COL24A1: variants seen among roughly 807,000 people sequenced by gnomAD.
The protein encoded by COL24A1 is collagen alpha-1(XXIV) chain.
Under a neutral mutation model 253.9 loss-of-function variants are expected in COL24A1, and 224 were observed. That is an observed-to-expected ratio of 0.88 (90% CI 0.79 to 0.99). COL24A1 has a LOEUF of 0.99. COL24A1 is among the 50% of genes least tolerant of loss of function. The probability of loss-of-function intolerance (pLI) is 0.00; values close to 1 mark genes in which losing one functional copy is unlikely to be tolerated. For missense variants in COL24A1, 2,131 were observed against 2,068.5 expected, an observed-to-expected ratio of 1.03 and a Z score of -0.59; for synonymous variants, 685 against 673.7, an observed-to-expected ratio of 1.02 and a Z score of -0.26.
At chr1:86,153,294 A>G (rs1379179942) in intron 1 of COL24A1, among the ~76,000 whole-genome samples, 1 of 133,186 alleles carries the variant, frequency 7.5e-6, no homozygotes, top group Non-Finnish European at 1.5e-5. Flanking sequence ...TTCATTTGCT[A>G]TTTCCTTTAT....
At chr1:86,092,368 A>G in intron 5 of COL24A1, 48 bp from the exon 6 acceptor site, 10 of 1,340,980 alleles carry the variant, frequency 7.5e-6, no homozygotes, top group South Asian at 1.2e-5. Context: ...AGTTGCATAT[A>G]ATGTGTCATA....
intron 5 of COL24A1, among the ~76,000 whole-genome samples, chr1:86,098,899 C>CA (rs1210993133): frequency 6.6e-6 from 1 of 151,316 alleles, no homozygotes; most frequent in Non-Finnish European, 1.5e-5. Flanking sequence ...TCTAGACATA[C>CA]AAAAAAAATG....
At chr1:86,019,059 A>G (rs971399744) in intron 18 of COL24A1, among the ~76,000 whole-genome samples, 2 of 152,234 alleles carry the variant, frequency 1.3e-5, no homozygotes, top group African/African-American at 4.8e-5. Flanking sequence ...GATCTATAAA[A>G]TAGGGAAGAC....
intron 7 of COL24A1, among the ~76,000 whole-genome samples, chr1:86,069,220 C>G (rs79426265): frequency 0.058 from 8,857 of 152,118 alleles, 542 homozygotes; most frequent in African/African-American, 0.15. Context: ...TCTGGACCGT[C>G]CCTACTGTGC....
intron 32 of COL24A1, among the ~76,000 whole-genome samples, chr1:85,877,594 C>A (rs375516179): frequency 7.5e-4 from 114 of 152,308 alleles, no homozygotes; most frequent in African/African-American, 2.7e-3. Context: ...AACTCCTGAC[C>A]TCAGGTGATC....
intron 58 of COL24A1, chr1:85,736,451 G>A (rs2100832305): frequency 2.2e-6 from 1 of 456,214 alleles, no homozygotes; most frequent in East Asian, 6.9e-5. Flanking sequence ...TGATGATGTG[G>A]ATATTTTGGA....
In COL24A1 at chr1:85,877,021, T is replaced by C. The variant is rs1681253439; in HGVS notation, c.3030+101A>G. The C allele has an allele frequency of 1.4e-5, 11 of 790,674 alleles. No homozygotes were observed. The South Asian group carries it at 2.0e-4, about 14-fold the overall frequency. 49.0% of individuals were successfully genotyped at this position (790,674 alleles called of 1,614,324 possible). On this transcript the variant is annotated intron_variant, in intron 33 of 59. Coordinates refer to ENST00000370571, the MANE Select transcript of COL24A1 (RefSeq NM_152890.7). Reference sequence around the variant, plus strand: ...TTTTTCTGAATATGAAACAATACTATAGAATTATTCCTCATAGTATATATT... The same window carrying C: ...TTTTTCTGAATATGAAACAATACTACAGAATTATTCCTCATAGTATATATT...
chr1:86,142,504 CAG>C (rs560928083), intron 2 of COL24A1, among the ~76,000 whole-genome samples: 99 of 144,506 alleles, frequency 6.9e-4, no homozygotes, highest in African/African-American at 2.2e-3. Context: ...GCCTGGACGA[CAG>C]AGTGAGACAC....
chr1:85,949,417 G>A (rs548685190), intron 24 of COL24A1, among the ~76,000 whole-genome samples: 2 of 152,116 alleles, frequency 1.3e-5, no homozygotes, highest in Admixed American at 6.5e-5. Flanking sequence ...GAAGATACAA[G>A]GAATAGATAA....
Position 85,814,361 on chromosome 1 carries a change from T to A in COL24A1, c.3951+2427A>T, listed in dbSNP as rs370805108. ...AGGTTTAGAGTGGCATTGAACGGAA[T>A]CAACATTTTATTTGTGTTAACTCAG... On this transcript the variant is annotated intron_variant, in intron 47 of 59. Coordinates refer to ENST00000370571, the MANE Select transcript of COL24A1 (RefSeq NM_152890.7). 6.8e-4 allele frequency among the ~76,000 whole-genome samples: 103 copies of A among 152,366 alleles called. 1 individual carries two copies. In the South Asian group the frequency reaches 0.02, roughly 30 times the overall value.
intron 55 of COL24A1, among the ~76,000 whole-genome samples, chr1:85,746,096 A>G (rs1665178619): frequency 2.0e-5 from 3 of 152,134 alleles, no homozygotes; most frequent in Non-Finnish European, 4.4e-5. Context: ...AACCATTAGT[A>G]AAAGTCTTTT....
intron 12 of COL24A1, among the ~76,000 whole-genome samples, chr1:86,041,586 C>T (rs540441951): frequency 6.6e-6 from 1 of 152,060 alleles, no homozygotes; most frequent in Non-Finnish European, 1.5e-5. Context: ...AAAAAGGAAG[C>T]TACTTGGAGT....
intron 55 of COL24A1, among the ~76,000 whole-genome samples, chr1:85,760,964 G>A (rs1666788991): frequency 6.6e-6 from 1 of 152,072 alleles, no homozygotes; most frequent in South Asian, 2.1e-4. Flanking sequence ...GAAGTCTGAT[G>A]GCTTCCAGAG....
chr1:85,813,707 C>T (rs377652637), intron 47 of COL24A1, among the ~76,000 whole-genome samples: 241 of 150,958 alleles, frequency 1.6e-3, no homozygotes, highest in African/African-American at 5.3e-3. Flanking sequence ...CCCGCCACTA[C>T]GCCCGGCTAA....
chr1:85,842,685 T>G (rs1324058714), intron 39 of COL24A1, among the ~76,000 whole-genome samples: 2 of 152,142 alleles, frequency 1.3e-5, no homozygotes, highest in African/African-American at 4.8e-5. Flanking sequence ...CCTAACGAAT[T>G]ATTGGAAATG....
chr1:85,794,523 G>C (rs1670622898), intron 47 of COL24A1, among the ~76,000 whole-genome samples: 1 of 152,156 alleles, frequency 6.6e-6, no homozygotes, highest in African/African-American at 2.4e-5. Context: ...CATTTACTAT[G>C]CTTGTTGGTT....
intron 7 of COL24A1, among the ~76,000 whole-genome samples, chr1:86,078,141 T>C (rs1702387596): frequency 6.6e-6 from 1 of 152,096 alleles, no homozygotes; most frequent in Admixed American, 6.6e-5. Flanking sequence ...CAAGGATGAT[T>C]CAACACACAC....
At chr1:86,127,752 A>C (rs553621032) in intron 2 of COL24A1, among the ~76,000 whole-genome samples, 34 of 152,238 alleles carry the variant, frequency 2.2e-4, no homozygotes, top group Admixed American at 2.0e-3. Flanking sequence ...GGAAATTAGT[A>C]GATATTTGAT....
intron 43 of COL24A1, among the ~76,000 whole-genome samples, chr1:85,836,232 T>C (rs1294534601): frequency 6.6e-6 from 1 of 152,250 alleles, no homozygotes; most frequent in African/African-American, 2.4e-5. Context: ...TTAATCTGTA[T>C]GCTTTTCTCT....
Sources: allele counts gnomAD v4.1 joint callset (sites outside exome capture counted in the v4.1 genomes callset), GRCh38; gene constraint gnomAD v4.1.1; transcripts MANE v1.5; gene names NCBI Gene and HGNC (gene_info 2026-07-23, HGNC 2026-07-21).